The following BMP7 variants were observed in gnomAD, a reference collection of about 807,000 sequenced individuals.
BMP7 encodes bone morphogenetic protein 7.
Under a neutral mutation model 41.2 loss-of-function variants are expected in BMP7, and 12 were observed. The ratio of observed to expected loss-of-function variants is 0.29; its 90% CI spans 0.19 to 0.47. The LOEUF (loss-of-function observed/expected upper bound fraction) is 0.47. BMP7 is among the 20% of genes least tolerant of loss of function. The pLI, the probability that BMP7 is intolerant of heterozygous loss-of-function variation, is 0.99. For missense variants in BMP7, 467 were observed against 606.0 expected, an observed-to-expected ratio of 0.77 and a Z score of 2.41; for synonymous variants, 248 against 250.0, an observed-to-expected ratio of 0.99 and a Z score of 0.07.
At chr20:57,265,225 G>A (rs529565095) in intron 1 of BMP7, among the ~76,000 whole-genome samples, 1 of 152,208 alleles carries the variant, frequency 6.6e-6, no homozygotes, top group African/African-American at 2.4e-5. Flanking sequence ...GGCGCACCAC[G>A]AGGGGACAGG....
At chr20:57,209,152 T>C (rs1377711150) in intron 2 of BMP7, among the ~76,000 whole-genome samples, 1 of 151,480 alleles carries the variant, frequency 6.6e-6, no homozygotes. Context: ...AAACCCCATC[T>C]CTACTAAATC....
At chr20:57,189,816 G>A (rs1304014949) in intron 3 of BMP7, among the ~76,000 whole-genome samples, 1 of 152,206 alleles carries the variant, frequency 6.6e-6, no homozygotes, top group East Asian at 1.9e-4. Context: ...CAGGGGCTGG[G>A]GCACATCGGT....
chr20:57,200,346 A>C (rs1984592322), intron 3 of BMP7, among the ~76,000 whole-genome samples: 1 of 152,168 alleles, frequency 6.6e-6, no homozygotes. Context: ...CGGGAGCCCG[A>C]GCTCTAACCA....
intron 4 of BMP7, among the ~76,000 whole-genome samples, chr20:57,175,359 C>T (rs191061002): frequency 6.6e-6 from 1 of 152,336 alleles, no homozygotes; most frequent in Admixed American, 6.5e-5. Context: ...ACCCCATCCA[C>T]CTCACACAAG....
chr20:57,223,806 A>C (rs556224321), intron 2 of BMP7, among the ~76,000 whole-genome samples: 7 of 152,332 alleles, frequency 4.6e-5, no homozygotes, highest in African/African-American at 1.4e-4. Context: ...AAACACGCTC[A>C]TGGGGGCTAA....
At chr20:57,229,004 A>G (rs1411095682) in intron 1 of BMP7, among the ~76,000 whole-genome samples, 2 of 152,236 alleles carry the variant, frequency 1.3e-5, no homozygotes, top group African/African-American at 4.8e-5. Context: ...CTGAATGCAC[A>G]TGAAAATCAC....
intron 1 of BMP7, among the ~76,000 whole-genome samples, chr20:57,248,471 G>A (rs116845540): frequency 0.01 from 1,566 of 152,332 alleles, 30 homozygotes; most frequent in South Asian, 0.076. Flanking sequence ...CCAAGAGGTA[G>A]GCAGGCAGGC....
chr20:57,193,174 G>A (rs1024694210), intron 3 of BMP7, among the ~76,000 whole-genome samples: 2 of 152,154 alleles, frequency 1.3e-5, no homozygotes, highest in Admixed American at 6.5e-5. Flanking sequence ...AAGCACTAGC[G>A]CGTGTACAGA....
rs530295605 is a variant in BMP7, at chr20:57,223,366, C to T, written c.611+4863G>A. On this transcript the variant is annotated intron_variant, in intron 2 of 6. Transcript: ENST00000395863. Reference sequence around the variant, plus strand: ...ATCACCTGGGAGCTTTTAAAGCACACCAATGACAGTTCAACCCCTACGGAT... The same window carrying T: ...ATCACCTGGGAGCTTTTAAAGCACATCAATGACAGTTCAACCCCTACGGAT... 5.9e-5 allele frequency among the ~76,000 whole-genome samples: 9 copies of T among 152,318 alleles called. No individual in the cohort carries two copies. In the South Asian group the frequency reaches 8.3e-4, roughly 14 times the overall value.
At chr20:57,188,306 A>T (rs530216144) in intron 3 of BMP7, among the ~76,000 whole-genome samples, 15 of 152,348 alleles carry the variant, frequency 9.8e-5, no homozygotes, top group African/African-American at 3.6e-4. Flanking sequence ...TACAACACGG[A>T]CAAACCTTCA....
In BMP7 at chr20:57,195,301, C is replaced by A. The variant is rs192463616; in HGVS notation, c.760+7174G>T. Among the ~76,000 whole-genome samples, 325 of 152,308 alleles carry A rather than the reference C, an allele frequency of 2.1e-3. 1 individual carries two copies. Among genetic ancestry groups the A allele is most frequent in the Non-Finnish European group, 1.2e-3 (83 of 68,024 alleles). On this transcript the variant is annotated intron_variant, in intron 3 of 6. Transcript: ENST00000395863. Reference sequence around the variant, plus strand: ...GGCCCAGGGCTACAGGCTACCCTTCCAAGACCCACAGCACAAGAATGTTTC... The same window carrying A: ...GGCCCAGGGCTACAGGCTACCCTTCAAAGACCCACAGCACAAGAATGTTTC...
At chr20:57,260,987 C>T (rs1480698957) in intron 1 of BMP7, among the ~76,000 whole-genome samples, 2 of 152,148 alleles carry the variant, frequency 1.3e-5, no homozygotes, top group Non-Finnish European at 2.9e-5. Flanking sequence ...ACTTAGGGCA[C>T]GCTGATTCTT....
rs576023048 is a variant in BMP7, at chr20:57,223,634, G to A, written c.611+4595C>T. 1.2e-3 allele frequency among the ~76,000 whole-genome samples: 183 copies of A among 152,286 alleles called. 1 individual carries two copies. In the South Asian group the frequency reaches 0.012, roughly 10 times the overall value. ...ACTTCCCACCTCTGAGCCAGGCTCC[G>A]CACCTGTAAAATGGGGATGATACAT... is the stretch of plus-strand genomic sequence containing the variant. On this transcript the variant is annotated intron_variant, in intron 2 of 6. Transcript: ENST00000395863.
intron 2 of BMP7, among the ~76,000 whole-genome samples, chr20:57,203,640 A>T (rs1234246638): frequency 1.3e-5 from 2 of 152,224 alleles, no homozygotes; most frequent in Non-Finnish European, 2.9e-5. Flanking sequence ...TTCTAGTATG[A>T]AAGATCTTCA....
chr20:57,176,990 T>C (rs558964066), intron 4 of BMP7, among the ~76,000 whole-genome samples: 28 of 152,292 alleles, frequency 1.8e-4, no homozygotes, highest in African/African-American at 6.7e-4. Context: ...CCTTACTTTC[T>C]TCATCTGTAA....
In BMP7 at chr20:57,261,871, G is replaced by A. The variant is rs953554605; in HGVS notation, c.418+3834C>T. ...ACAGTGGTAGGGCCTGCTCTTGACG[G>A]GCAGTGGGAGAGGTCTTAATGCCAA... On this transcript the variant is annotated intron_variant, in intron 1 of 6. Coordinates refer to ENST00000395863, the MANE Select transcript of BMP7 (RefSeq NM_001719.3). The surrounding 1 kb of genome is among the most constrained non-coding windows in gnomAD (Gnocchi z 4.1). 2.0e-5 allele frequency among the ~76,000 whole-genome samples: 3 copies of A among 152,222 alleles called. No homozygotes were observed. Among genetic ancestry groups the A allele is most frequent in the Admixed American group, 1.3e-4 (2 of 15,282 alleles).
chr20:57,216,530 G>GGGGCTGTCTCCTGAGGGCGA lies in BMP7; in HGVS notation c.611+11698_611+11699insTCGCCCTCAGGAGACAGCCC, dbSNP rs1568718131. ...CGAGGGGGCTGTCTCCTGAGGGCGA[G>GGGGCTGTCTCCTGAGGGCGA]GGGGCTGTCTCCTGAGGGCGAGGGG... On this transcript the variant is annotated intron_variant, in intron 2 of 6. Transcript: ENST00000395863. 6.7e-5 allele frequency among the ~76,000 whole-genome samples: 10 copies of GGGGCTGTCTCCTGAGGGCGA among 148,172 alleles called. No individual in the cohort carries two copies. The East Asian group carries it at 2.0e-3, about 30-fold the overall frequency.
intron 3 of BMP7, among the ~76,000 whole-genome samples, chr20:57,197,941 C>G (rs1458914036): frequency 1.3e-5 from 2 of 152,140 alleles, no homozygotes. Context: ...AAAAGCTGCA[C>G]CCACACTGGA....
At position 57,228,551 on chromosome 20, in the gene BMP7, C is replaced by G; in HGVS notation, c.419-130G>C. 1 of 1,090,074 alleles carries G rather than the reference C, an allele frequency of 9.2e-7. No individual in the cohort carries two copies. The highest frequency in any genetic ancestry group is 1.4e-6 in the Non-Finnish European group (1 of 718,972). The allele number at this position is 1,090,074 out of a possible 1,614,324, so 67.5% of individuals were successfully genotyped here. On this transcript the variant is annotated intron_variant, in intron 1 of 6. Coordinates refer to ENST00000395863, the MANE Select transcript of BMP7 (RefSeq NM_001719.3). This position sits in a 1 kb window ranked among gnomAD's most constrained non-coding sequence, Gnocchi z 4.5. ...TGCCCATTGCCAGTGACCCCAGTGA[C>G]AACTGCTCCTTCCTCACCAACACAC...
Sources: allele counts gnomAD v4.1 joint callset (sites outside exome capture counted in the v4.1 genomes callset), GRCh38; gene constraint gnomAD v4.1.1; non-coding constraint Gnocchi (gnomAD v3.1); transcripts MANE v1.5; gene names NCBI Gene and HGNC (gene_info 2026-07-23, HGNC 2026-07-21).